The following EFNA5 variants were observed in gnomAD, a reference collection of about 807,000 sequenced individuals.
EFNA5 encodes the protein ephrin-A5.
EFNA5 carries 5 observed loss-of-function variants against 22.9 expected under a neutral mutation model. That is an observed-to-expected ratio of 0.22 (90% CI 0.11 to 0.46). The LOEUF (loss-of-function observed/expected upper bound fraction) is 0.46, where lower values mean the gene tolerates loss of function less well. Among genes scored for constraint, EFNA5 ranks in the 20% least tolerant of loss-of-function variants. EFNA5 has a pLI of 0.99. For missense variants in EFNA5, 237 were observed against 293.3 expected (o/e 0.81, Z 1.40); for synonymous variants, 113 against 112.2 (o/e 1.01, Z -0.04).
At chr5:107,477,547 C>A (rs1379563765) in intron 1 of EFNA5, among the ~76,000 whole-genome samples, 1 of 152,154 alleles carries the variant, frequency 6.6e-6, no homozygotes, top group Non-Finnish European at 1.5e-5. Flanking sequence ...TTATCCTATT[C>A]TCTTATTTTT....
Position 107,623,518 on chromosome 5 carries a change from A to G in EFNA5, c.125+46971T>C, listed in dbSNP as rs1750081271. ...AGAACATTTGTAAATTTAACAGCCC[A>G]TCAAAGTGTCTGAGAGCACACCAGT... is the stretch of plus-strand genomic sequence containing the variant. On this transcript the variant is annotated intron_variant, in intron 1 of 4. Coordinates refer to ENST00000333274, the MANE Select transcript of EFNA5 (RefSeq NM_001962.3). Among the ~76,000 whole-genome samples the G allele has an allele frequency of 2.6e-5, 4 of 152,178 alleles. No individual in the cohort carries two copies. In the South Asian group the frequency reaches 8.3e-4, roughly 31 times the overall value.
chr5:107,461,039 C>T (rs948819283), intron 1 of EFNA5, among the ~76,000 whole-genome samples: 12 of 152,042 alleles, frequency 7.9e-5, no homozygotes, highest in Non-Finnish European at 1.8e-4. Flanking sequence ...TGAAACTTGC[C>T]CTGTATTTCT....
At chr5:107,661,852 T>C (rs531997065) in intron 1 of EFNA5, among the ~76,000 whole-genome samples, 1 of 152,252 alleles carries the variant, frequency 6.6e-6, no homozygotes, top group Admixed American at 6.5e-5. Flanking sequence ...TAGATAACAA[T>C]TTGCACTATA....
chr5:107,388,172 G>T (rs989192452), intron 2 of EFNA5, among the ~76,000 whole-genome samples: 2 of 152,084 alleles, frequency 1.3e-5, no homozygotes, highest in Non-Finnish European at 2.9e-5. Flanking sequence ...CCCAACAGAG[G>T]CCCAAGGTGA....
chr5:107,450,493 T>A (rs941018281), intron 1 of EFNA5, among the ~76,000 whole-genome samples: 3 of 152,236 alleles, frequency 2.0e-5, no homozygotes, highest in Admixed American at 2.0e-4. Flanking sequence ...AAGCACTAAT[T>A]CACACATAAC....
At chr5:107,420,800 G>A (rs1418348357) in intron 2 of EFNA5, among the ~76,000 whole-genome samples, 1 of 152,062 alleles carries the variant, frequency 6.6e-6, no homozygotes, top group African/African-American at 2.4e-5. Flanking sequence ...TATTTCCTGA[G>A]TAACTCTTCT....
intron 1 of EFNA5, among the ~76,000 whole-genome samples, chr5:107,654,453 A>G (rs931153051): frequency 2.6e-5 from 4 of 152,152 alleles, no homozygotes; most frequent in Non-Finnish European, 4.4e-5. Flanking sequence ...TTTGTTAGAT[A>G]CCTAAGGAAG....
At chr5:107,581,822 G>A (rs72791845) in intron 1 of EFNA5, among the ~76,000 whole-genome samples, 2,082 of 152,310 alleles carry the variant, frequency 0.014, 22 homozygotes, top group Non-Finnish European at 0.018. Context: ...GAAGCCTCAT[G>A]AGAACCCAAA....
chr5:107,631,624 ATGTT>A (rs1349776335), intron 1 of EFNA5, among the ~76,000 whole-genome samples: 1 of 152,114 alleles, frequency 6.6e-6, no homozygotes, highest in African/African-American at 2.4e-5. Context: ...AGATGTAGAC[ATGTT>A]TATTTTCCTA....
chr5:107,419,982 C>T (rs1308862636), intron 2 of EFNA5, among the ~76,000 whole-genome samples: 1 of 152,130 alleles, frequency 6.6e-6, no homozygotes, highest in East Asian at 1.9e-4. Context: ...AGACTACCTC[C>T]TGCTTTGATA....
chr5:107,584,630 T>C (rs1749138286), intron 1 of EFNA5, among the ~76,000 whole-genome samples: 1 of 152,214 alleles, frequency 6.6e-6, no homozygotes, highest in African/African-American at 2.4e-5. Context: ...GCACAATTAA[T>C]GTCTCTGATT....
intron 1 of EFNA5, among the ~76,000 whole-genome samples, chr5:107,574,071 G>C (rs1407811444): frequency 1.3e-5 from 2 of 152,158 alleles, no homozygotes; most frequent in African/African-American, 4.8e-5. Flanking sequence ...TAATCTGTAA[G>C]AAAAACAGAA....
At chr5:107,386,651 C>A (rs575478703) in intron 4 of EFNA5, among the ~76,000 whole-genome samples, 1 of 152,016 alleles carries the variant, frequency 6.6e-6, no homozygotes, top group Non-Finnish European at 1.5e-5. Context: ...AAGAGATGTG[C>A]GAATTTGTGG....
chr5:107,445,391 C>T (rs540396849), intron 1 of EFNA5, among the ~76,000 whole-genome samples: 3 of 152,278 alleles, frequency 2.0e-5, no homozygotes, highest in Admixed American at 6.5e-5. Flanking sequence ...GTACAGAGCA[C>T]ATATGTGCTC....
rs1349335978 is a variant in EFNA5, at chr5:107,518,215, G to A, written c.126-90706C>T. On this transcript the variant is annotated intron_variant, in intron 1 of 4. Transcript: ENST00000333274. ...ATAAAAGCAGAGGCCCACTTGATGC[G>A]CCTAATGCTCCTTCAGTGTTTGCAT... Among the ~76,000 whole-genome samples the A allele has an allele frequency of 5.3e-5, 8 of 151,038 alleles. No homozygotes were observed. In the East Asian group the frequency reaches 5.8e-4, roughly 11 times the overall value.
intron 1 of EFNA5, among the ~76,000 whole-genome samples, chr5:107,581,050 T>C (rs527502169): frequency 6.6e-6 from 1 of 152,324 alleles, no homozygotes; most frequent in African/African-American, 2.4e-5. Context: ...AAGATGTGTG[T>C]GTACAAAATA....
chr5:107,406,363 T>A lies in EFNA5; in HGVS notation c.419-18592A>T, dbSNP rs184991826. 3.3e-5 allele frequency among the ~76,000 whole-genome samples: 5 copies of A among 152,122 alleles called. No homozygotes were observed. In the East Asian group the frequency reaches 9.7e-4, roughly 30 times the overall value. On this transcript the variant is annotated intron_variant, in intron 2 of 4. Transcript: ENST00000333274. ...CGTTCCTTTCCCTTTGTTCAACCTA[T>A]TTGAGCCATGCAGGCCTTCTTGGTG... is the stretch of plus-strand genomic sequence containing the variant.
intron 2 of EFNA5, among the ~76,000 whole-genome samples, chr5:107,414,384 C>A (rs1034213810): frequency 6.6e-6 from 1 of 152,120 alleles, no homozygotes; most frequent in African/African-American, 2.4e-5. Flanking sequence ...CACTTTATTT[C>A]TCTTTTTGCT....
At chr5:107,496,687 A>G (rs566845530) in intron 1 of EFNA5, among the ~76,000 whole-genome samples, 6 of 152,338 alleles carry the variant, frequency 3.9e-5, no homozygotes, top group Non-Finnish European at 7.3e-5. Context: ...CTTGCTAAGC[A>G]ATAAAGTGCG....
Sources: allele counts gnomAD v4.1 joint callset (sites outside exome capture counted in the v4.1 genomes callset), GRCh38; gene constraint gnomAD v4.1.1; transcripts MANE v1.5; gene names NCBI Gene and HGNC (gene_info 2026-07-23, HGNC 2026-07-21).